Variants in DLG2 observed in about 807,000 individuals in gnomAD.
The protein encoded by DLG2 is discs large MAGUK scaffold protein 2.
In DLG2, 45 loss-of-function variants were observed where a neutral mutation model predicts 132.5. The observed-to-expected ratio is 0.34, with a 90% CI of 0.27 to 0.44. DLG2 has a LOEUF of 0.44. Ranked by LOEUF, DLG2 falls within the 20% of genes least tolerant of loss-of-function variation. DLG2 has a pLI of 1.00. For missense variants in DLG2, 1,045 were observed against 1,196.9 expected (o/e 0.87, Z 1.87); for synonymous variants, 424 against 419.6 (o/e 1.01, Z -0.13).
chr11:84,657,805 A>T (rs1287082857), intron 6 of DLG2, among the ~76,000 whole-genome samples: 1 of 152,200 alleles, frequency 6.6e-6, no homozygotes, highest in Non-Finnish European at 1.5e-5. Flanking sequence ...ATCTGCTTCC[A>T]ATACTGCTCG....
At chr11:85,340,255 A>G (rs957048891) in intron 3 of DLG2, among the ~76,000 whole-genome samples, 1 of 152,222 alleles carries the variant, frequency 6.6e-6, no homozygotes, top group African/African-American at 2.4e-5. Context: ...CCCATCAATG[A>G]TAGACTAAAT....
intron 6 of DLG2, among the ~76,000 whole-genome samples, chr11:84,943,202 GTA>G (rs1208285763): frequency 2.1e-5 from 3 of 143,966 alleles, no homozygotes; most frequent in Non-Finnish European, 4.6e-5. Flanking sequence ...GTGTGTGTGT[GTA>G]TCTATTCAGC....
At chr11:84,183,916 T>C (rs188834388) in intron 8 of DLG2, among the ~76,000 whole-genome samples, 2 of 152,116 alleles carry the variant, frequency 1.3e-5, no homozygotes, top group Non-Finnish European at 2.9e-5. Context: ...CATCCTTTTT[T>C]ATGGCTGCAT....
rs916290079 is a variant in DLG2 at position 84,846,852 on chromosome 11, C to A, written c.357+264809G>T. Among the ~76,000 whole-genome samples the A allele has an allele frequency of 3.3e-5, 5 of 152,046 alleles. No individual in the cohort carries two copies. The South Asian group carries it at 8.3e-4, about 25-fold the overall frequency. ...GAATTATGCCACTATTTAAAAATAT[C>A]CATGTATAAATATCATATGCATATC... On this transcript the variant is annotated intron_variant, in intron 6 of 27. Transcript: ENST00000376104.
At chr11:84,946,566 T>C (rs1307037912) in intron 6 of DLG2, among the ~76,000 whole-genome samples, 1 of 151,922 alleles carries the variant, frequency 6.6e-6, no homozygotes, top group Non-Finnish European at 1.5e-5. Context: ...TATTATATAG[T>C]TCTGGAGCTG....
At chr11:84,614,776 T>A (rs1009561741) in intron 6 of DLG2, among the ~76,000 whole-genome samples, 1 of 152,180 alleles carries the variant, frequency 6.6e-6, no homozygotes, top group Non-Finnish European at 1.5e-5. Flanking sequence ...AAGAATGCTA[T>A]ATAACACAAG....
intron 3 of DLG2, among the ~76,000 whole-genome samples, chr11:85,455,414 A>T (rs1277519575): frequency 6.6e-6 from 1 of 152,216 alleles, no homozygotes; most frequent in African/African-American, 2.4e-5. Context: ...CAGATCAAGA[A>T]GCTTTTAGGC....
In DLG2 at chr11:83,775,797, A is replaced by G. The variant is rs575392407; in HGVS notation, c.1825+10893T>C. On this transcript the variant is annotated intron_variant, in intron 18 of 27. Coordinates refer to ENST00000376104, the MANE Select transcript of DLG2 (RefSeq NM_001142699.3). ...ACACTGTACTAAGGAAAAAGAAGGA[A>G]TATAAAGATGAATAGCCGGGCGCAG... is the stretch of plus-strand genomic sequence containing the variant. Among the ~76,000 whole-genome samples the G allele has an allele frequency of 2.6e-3, 396 of 152,244 alleles. 3 individuals are homozygous for G. The highest frequency in any genetic ancestry group is 9.2e-3 in the African/African-American group (381 of 41,544).
intron 16 of DLG2, among the ~76,000 whole-genome samples, chr11:83,838,995 G>A (rs1357134392): frequency 6.6e-6 from 1 of 152,140 alleles, no homozygotes; most frequent in Non-Finnish European, 1.5e-5. Flanking sequence ...TATGCAGGAA[G>A]AATACAGCTT....
chr11:85,085,841 T>A (rs2067853252), intron 6 of DLG2, among the ~76,000 whole-genome samples: 1 of 152,130 alleles, frequency 6.6e-6, no homozygotes, highest in African/African-American at 2.4e-5. Flanking sequence ...CCTAGAAAAG[T>A]GCTTTTTATA....
intron 19 of DLG2, among the ~76,000 whole-genome samples, chr11:83,584,811 A>C (rs1406435957): frequency 6.6e-6 from 1 of 152,216 alleles, no homozygotes; most frequent in East Asian, 1.9e-4. Context: ...GTAGTGTCAA[A>C]ATCAGTAATT....
chr11:85,594,349 T>C (rs1380760987), intron 3 of DLG2, among the ~76,000 whole-genome samples: 2 of 152,202 alleles, frequency 1.3e-5, no homozygotes, highest in Non-Finnish European at 2.9e-5. Context: ...AAGTCTAACA[T>C]GTAAGGTTTA....
intron 7 of DLG2, among the ~76,000 whole-genome samples, chr11:84,302,689 ATTATAT>A (rs2098169301): frequency 6.6e-6 from 1 of 152,230 alleles, no homozygotes; most frequent in Admixed American, 6.5e-5. Context: ...ATAAGCTTGT[ATTATAT>A]TTAAACTAAA....
rs536265914 is a variant in DLG2, at chr11:84,522,236, G to C, written c.519+12334C>G. ...ATTTATTCACATGTAATATGAAGCA[G>C]TGAAACTAGAAAATCTCTAAAGCAC... On this transcript the variant is annotated intron_variant, in intron 7 of 27. Coordinates refer to ENST00000376104, the MANE Select transcript of DLG2 (RefSeq NM_001142699.3). Among the ~76,000 whole-genome samples the C allele has an allele frequency of 2.6e-5, 4 of 151,870 alleles. No homozygotes were observed. The East Asian group carries it at 7.7e-4, about 29-fold the overall frequency.
chr11:84,374,440 G>A (rs1001779007), intron 7 of DLG2, among the ~76,000 whole-genome samples: 1 of 152,168 alleles, frequency 6.6e-6, no homozygotes, highest in African/African-American at 2.4e-5. Flanking sequence ...AGTCCAACAT[G>A]AATTTGTAAA....
At chr11:85,383,326 A>C (rs2086053767) in intron 3 of DLG2, among the ~76,000 whole-genome samples, 1 of 152,106 alleles carries the variant, frequency 6.6e-6, no homozygotes, top group South Asian at 2.1e-4. Flanking sequence ...GGATGTGAGG[A>C]GTAACTACTA....
chr11:84,459,474 A>G (rs2099074415), intron 7 of DLG2, among the ~76,000 whole-genome samples: 1 of 150,782 alleles, frequency 6.6e-6, no homozygotes, highest in Non-Finnish European at 1.5e-5. Flanking sequence ...TAAGTATTAG[A>G]AATTTTTAGG....
At chr11:85,407,211 A>G (rs1360771866) in intron 3 of DLG2, among the ~76,000 whole-genome samples, 1 of 151,926 alleles carries the variant, frequency 6.6e-6, no homozygotes, top group Non-Finnish European at 1.5e-5. Flanking sequence ...TTTAACTTAA[A>G]TGAAATGGAA....
At chr11:84,917,633 G>T (rs1246080252) in intron 6 of DLG2, among the ~76,000 whole-genome samples, 1 of 151,984 alleles carries the variant, frequency 6.6e-6, no homozygotes, top group African/African-American at 2.4e-5. Flanking sequence ...TGTAGTCTAG[G>T]GTCCATACTA....
Sources: allele counts gnomAD v4.1 joint callset (sites outside exome capture counted in the v4.1 genomes callset), GRCh38; gene constraint gnomAD v4.1.1; transcripts MANE v1.5; gene names NCBI Gene and HGNC (gene_info 2026-07-23, HGNC 2026-07-21).